The following MFSD11 variants were observed in gnomAD, a reference collection of about 807,000 sequenced individuals.
The protein encoded by MFSD11 is major facilitator superfamily domain containing 11, also known as UNC93-like protein MFSD11.
In MFSD11, 36 loss-of-function variants were observed where a neutral mutation model predicts 53.5. The ratio of observed to expected loss-of-function variants is 0.67; its 90% CI spans 0.52 to 0.89. MFSD11 has a LOEUF of 0.89. MFSD11 is among the 40% of genes least tolerant of loss of function. The probability of loss-of-function intolerance (pLI) is 0.00; values close to 1 mark genes in which losing one functional copy is unlikely to be tolerated. For missense variants in MFSD11, 530 were observed against 543.9 expected, an observed-to-expected ratio of 0.97 and a Z score of 0.25; for synonymous variants, 186 against 184.9, an observed-to-expected ratio of 1.01 and a Z score of -0.05.
intron 11 of MFSD11, 70 bp downstream of exon 11, chr17:76,775,241 G>C: frequency 6.9e-7 from 1 of 1,442,846 alleles, no homozygotes. Context: ...GATACTGAAA[G>C]TGGAGCAGTT....
intron 8 of MFSD11, among the ~76,000 whole-genome samples, chr17:76,764,094 G>T (rs1288587735): frequency 6.6e-6 from 1 of 151,878 alleles, no homozygotes. Context: ...TGAACTCTGG[G>T]CCTCAAGCAA....
At chr17:76,768,045 G>A (rs1378143088) in intron 9 of MFSD11, among the ~76,000 whole-genome samples, 1 of 152,186 alleles carries the variant, frequency 6.6e-6, no homozygotes, top group Non-Finnish European at 1.5e-5. Flanking sequence ...GCTCACGCCT[G>A]TAATCCCAGC....
At chr17:76,761,593 T>C (rs2080238401) in intron 8 of MFSD11, among the ~76,000 whole-genome samples, 1 of 152,216 alleles carries the variant, frequency 6.6e-6, no homozygotes, top group Admixed American at 6.5e-5. Flanking sequence ...GAAGATTCAT[T>C]AAGGTGTTAG....
At chr17:76,758,827 C>G (rs1456062375) in intron 8 of MFSD11, among the ~76,000 whole-genome samples, 1 of 152,106 alleles carries the variant, frequency 6.6e-6, no homozygotes, top group Non-Finnish European at 1.5e-5. Flanking sequence ...CATGGACACT[C>G]CATTCCACAC....
rs374039616 is a variant in MFSD11, at chr17:76,738,335, C to T, written c.-18C>T. The T allele has an allele frequency of 3.1e-6, 5 of 1,590,818 alleles. No individual in the cohort carries two copies. The African/African-American group carries it at 4.0e-5, about 13-fold the overall frequency. On this transcript the variant is annotated 5_prime_UTR_variant, in exon 1 of 13. Transcript: ENST00000685175. Reference sequence around the variant, plus strand: ...GCTGACTGCCCTGGGCTGCTGCCTCCGGCAGAGCTGAGCCAAAATGTCCCC... The same window carrying T: ...GCTGACTGCCCTGGGCTGCTGCCTCTGGCAGAGCTGAGCCAAAATGTCCCC...
intron 8 of MFSD11, 65 bp downstream of exon 8, chr17:76,754,152 C>A: frequency 7.3e-7 from 1 of 1,378,914 alleles, no homozygotes; most frequent in South Asian, 1.2e-5. Context: ...TGCCTTTCCC[C>A]TATTCCCTGG....
At chr17:76,777,931 G>A (rs1183795041) in intron 12 of MFSD11, among the ~76,000 whole-genome samples, 1 of 151,980 alleles carries the variant, frequency 6.6e-6, no homozygotes, top group Non-Finnish European at 1.5e-5. Flanking sequence ...CTCCCACCTT[G>A]GCCTCCCAAA....
At chr17:76,791,571 C>T in the MFSD11 span, among the ~76,000 whole-genome samples, 2 of 148,918 alleles carry the variant, frequency 1.3e-5, no homozygotes, top group East Asian at 3.9e-4. Context: ...GTGGTTGGCG[C>T]GCTGGGGAGG....
chr17:76,803,581 C>G, the MFSD11 span, among the ~76,000 whole-genome samples: 184 of 152,242 alleles, frequency 1.2e-3, no homozygotes, highest in South Asian at 0.014. Context: ...CCACCCAGAT[C>G]GATAAAATGG....
the MFSD11 span, among the ~76,000 whole-genome samples, chr17:76,797,994 C>T: frequency 3.9e-5 from 6 of 151,990 alleles, no homozygotes; most frequent in Admixed American, 6.6e-5. Flanking sequence ...CGTGATCCTC[C>T]CACCTCAGCC....
At chr17:76,784,768 A>G (rs572975435), downstream of MFSD11, among the ~76,000 whole-genome samples, 34 of 152,108 alleles carry the variant, frequency 2.2e-4, no homozygotes, top group Middle Eastern at 3.4e-3. Flanking sequence ...GTATGGTGGC[A>G]TGTGCCTGTA....
downstream of MFSD11, among the ~76,000 whole-genome samples, chr17:76,786,227 C>T (rs1216858606): frequency 2.7e-5 from 4 of 147,424 alleles, no homozygotes; most frequent in Admixed American, 6.7e-5. Context: ...TCACTGCAAC[C>T]TCTGCCTCCT....
Position 76,754,041 on chromosome 17 carries a change from T to C in MFSD11, c.642-6T>C, listed in dbSNP as rs1258469563. ...AAAACTTATTTTTTACATTTTATTT[T>C]CTCAGGTCTGCCCAGAACAATCTGA... On this transcript the variant is annotated splice_polypyrimidine_tract_variant and splice_region_variant and intron_variant, in intron 7 of 12. Coordinates refer to ENST00000685175, the MANE Select transcript of MFSD11 (RefSeq NM_001242532.5). 2 of 1,604,684 alleles carry C rather than the reference T, an allele frequency of 1.2e-6. No individual in the cohort carries two copies. Among genetic ancestry groups the C allele is most frequent in the Non-Finnish European group, 8.5e-7 (1 of 1,176,228 alleles).
upstream of MFSD11, chr17:76,737,280 C>T (rs1266083141): frequency 7.4e-7 from 1 of 1,358,536 alleles, no homozygotes. Context: ...AAAGGCCTTG[C>T]CGCAGAACAG....
At chr17:76,758,569 G>A (rs531751351) in intron 8 of MFSD11, among the ~76,000 whole-genome samples, 189 of 125,082 alleles carry the variant, frequency 1.5e-3, no homozygotes, top group Admixed American at 0.013. Context: ...GGCACAGAGC[G>A]AGACCAGGTC....
At chr17:76,771,378 T>C (rs1260546899) in intron 10 of MFSD11, among the ~76,000 whole-genome samples, 1 of 152,266 alleles carries the variant, frequency 6.6e-6, no homozygotes, top group Non-Finnish European at 1.5e-5. Flanking sequence ...AGTTATTCTT[T>C]GTTCAACAAA....
chr17:76,779,998 A>T (rs1456558986), downstream of MFSD11, among the ~76,000 whole-genome samples: 3 of 152,182 alleles, frequency 2.0e-5, no homozygotes, highest in African/African-American at 7.2e-5. Flanking sequence ...CAAGTCTATC[A>T]TCCTGGGTGC....
chr17:76,773,765 G>A (rs372208116), intron 10 of MFSD11, among the ~76,000 whole-genome samples: 5 of 150,874 alleles, frequency 3.3e-5, no homozygotes, highest in East Asian at 2.0e-4. Context: ...ACGCCACCAC[G>A]CCCAGCTAAT....
the MFSD11 span, among the ~76,000 whole-genome samples, chr17:76,796,579 C>G: frequency 6.6e-6 from 1 of 152,078 alleles, no homozygotes; most frequent in Non-Finnish European, 1.5e-5. Context: ...TTAGCACCGA[C>G]CCTCACAGGT....
Sources: allele counts gnomAD v4.1 joint callset (sites outside exome capture counted in the v4.1 genomes callset), GRCh38; gene constraint gnomAD v4.1.1; transcripts MANE v1.5; gene names NCBI Gene and HGNC (gene_info 2026-07-23, HGNC 2026-07-21).